SLC25A21: variants seen among roughly 807,000 people sequenced by gnomAD.
SLC25A21 encodes the protein mitochondrial 2-oxodicarboxylate carrier.
In SLC25A21, 47 loss-of-function variants were observed where a neutral mutation model predicts 43.8. The observed-to-expected ratio is 1.07, with a 90% CI of 0.85 to 1.37. The LOEUF is 1.37. Ranked by LOEUF, SLC25A21 falls within the 40% of genes most tolerant of loss-of-function variation. The pLI is 0.00. For missense variants in SLC25A21, 352 were observed against 350.2 expected (o/e 1.00, Z -0.04); for synonymous variants, 131 against 121.3 (o/e 1.08, Z -0.52).
At chr14:36,914,862 T>C (rs1057447237) in intron 1 of SLC25A21, among the ~76,000 whole-genome samples, 2 of 152,176 alleles carry the variant, frequency 1.3e-5, no homozygotes, top group African/African-American at 4.8e-5. Context: ...GACTAAATGA[T>C]TGTCTTTTCC....
In SLC25A21 at chr14:36,772,226, G is replaced by A. The variant is rs538228814; in HGVS notation, c.204-37653C>T. Among the ~76,000 whole-genome samples, 88 of 152,248 alleles carry A rather than the reference G, an allele frequency of 5.8e-4. 2 individuals are homozygous for A. Among genetic ancestry groups the A allele is most frequent in the Admixed American group, 5.8e-3 (88 of 15,292 alleles). On this transcript the variant is annotated intron_variant, in intron 3 of 9. Transcript: ENST00000331299. The stretch of plus-strand genomic sequence containing the variant: ...GGCACTCAGCAGCCATATTTCAAGT[G>A]TAGCAGAAGCAAAACAAGGGAAAAT...
chr14:36,861,291 A>G (rs1456306252), intron 2 of SLC25A21, among the ~76,000 whole-genome samples: 2 of 152,234 alleles, frequency 1.3e-5, no homozygotes. Flanking sequence ...CTTGATTCAC[A>G]GAAAGGAAAA....
intron 6 of SLC25A21, among the ~76,000 whole-genome samples, chr14:36,722,124 G>A (rs1160566978): frequency 6.6e-6 from 1 of 152,176 alleles, no homozygotes; most frequent in Non-Finnish European, 1.5e-5. Context: ...TGTCCTAGTT[G>A]AGATGTGCTG....
chr14:36,874,805 C>T, intron 2 of SLC25A21, 151 bp downstream of exon 2: 1 of 517,246 alleles, frequency 1.9e-6, no homozygotes, highest in South Asian at 4.1e-5. Flanking sequence ...CACATTTTAT[C>T]TGTCAAATAG....
At chr14:36,951,146 A>C (rs2138661630) in intron 1 of SLC25A21, among the ~76,000 whole-genome samples, 1 of 152,026 alleles carries the variant, frequency 6.6e-6, no homozygotes, top group African/African-American at 2.4e-5. Context: ...TGGTAACTAA[A>C]CCACTAACCA....
chr14:36,848,660 A>C (rs2138511237), intron 2 of SLC25A21, among the ~76,000 whole-genome samples: 1 of 152,332 alleles, frequency 6.6e-6, no homozygotes. Context: ...GCCTTATAAA[A>C]TATATCTGTG....
intron 1 of SLC25A21, among the ~76,000 whole-genome samples, chr14:37,029,125 G>A (rs1259628496): frequency 6.6e-6 from 1 of 152,124 alleles, no homozygotes; most frequent in Admixed American, 6.6e-5. Context: ...TCAGAGTTTT[G>A]ATTCAGAAAT....
intron 1 of SLC25A21, among the ~76,000 whole-genome samples, chr14:36,889,665 A>AT (rs1382002661): frequency 4.6e-5 from 7 of 151,020 alleles, no homozygotes; most frequent in South Asian, 2.1e-4. Context: ...TTTTAATTTT[A>AT]TTTTTTTTGT....
At chr14:36,763,704 A>AAAGGCAGCCTATCAAGTCCATT (rs1187189873) in intron 3 of SLC25A21, among the ~76,000 whole-genome samples, 1 of 151,958 alleles carries the variant, frequency 6.6e-6, no homozygotes, top group Admixed American at 6.5e-5. Flanking sequence ...GAAGACCAGA[A>AAAGGCAGCCTATCAAGTCCATT]AAGGCAGCCT....
chr14:36,682,953 C>T (rs1298888727), intron 9 of SLC25A21, among the ~76,000 whole-genome samples: 1 of 151,958 alleles, frequency 6.6e-6, no homozygotes, highest in Non-Finnish European at 1.5e-5. Context: ...GGTGAATGTG[C>T]ATGTGTGTTT....
At chr14:36,834,405 A>G (rs1259805338) in intron 2 of SLC25A21, among the ~76,000 whole-genome samples, 1 of 152,232 alleles carries the variant, frequency 6.6e-6, no homozygotes, top group East Asian at 1.9e-4. Flanking sequence ...TACCTACTGC[A>G]TGAACTTGGG....
intron 7 of SLC25A21, among the ~76,000 whole-genome samples, chr14:36,697,897 C>A (rs924449292): frequency 5.9e-5 from 9 of 151,762 alleles, no homozygotes; most frequent in Middle Eastern, 3.4e-3. Flanking sequence ...TTAATTAGAG[C>A]ATTTAGTCCA....
chr14:36,814,142 C>A, intron 2 of SLC25A21, 141 bp from the exon 3 acceptor site: 1 of 559,040 alleles, frequency 1.8e-6, no homozygotes, highest in Non-Finnish European at 3.1e-6. Flanking sequence ...CATTTATTAG[C>A]CTTATATAAT....
intron 3 of SLC25A21, among the ~76,000 whole-genome samples, chr14:36,764,995 G>A (rs1268339970): frequency 1.3e-5 from 2 of 152,224 alleles, no homozygotes; most frequent in African/African-American, 4.8e-5. Flanking sequence ...TAGTTGAGAG[G>A]CCAGGAGGGC....
intron 3 of SLC25A21, among the ~76,000 whole-genome samples, chr14:36,785,398 T>A (rs535893377): frequency 1.3e-5 from 2 of 152,330 alleles, no homozygotes; most frequent in African/African-American, 4.8e-5. Flanking sequence ...CCTCTGCCAC[T>A]CACCCTGGGA....
intron 1 of SLC25A21, among the ~76,000 whole-genome samples, chr14:37,046,034 G>A (rs76239349): frequency 0.01 from 1,578 of 152,250 alleles, 22 homozygotes; most frequent in African/African-American, 0.036. Context: ...GAAGCCTCAC[G>A]ACAACCCTAT....
At chr14:36,919,336 C>T (rs1891913969) in intron 1 of SLC25A21, among the ~76,000 whole-genome samples, 1 of 151,926 alleles carries the variant, frequency 6.6e-6, no homozygotes, top group African/African-American at 2.4e-5. Flanking sequence ...ATGGAGTCAT[C>T]TTTTTGGGTA....
chr14:36,891,061 T>G (rs1010023038), intron 1 of SLC25A21, among the ~76,000 whole-genome samples: 1 of 152,188 alleles, frequency 6.6e-6, no homozygotes. Flanking sequence ...CATTTCATAC[T>G]CATATTCCAA....
intron 3 of SLC25A21, among the ~76,000 whole-genome samples, chr14:36,764,092 G>A (rs1320572370): frequency 1.7e-5 from 1 of 58,826 alleles, no homozygotes; most frequent in Admixed American, 2.2e-4. Context: ...AGGAAGGAAG[G>A]AAGGAAGGAA....
Sources: allele counts gnomAD v4.1 joint callset (sites outside exome capture counted in the v4.1 genomes callset), GRCh38; gene constraint gnomAD v4.1.1; transcripts MANE v1.5; gene names NCBI Gene and HGNC (gene_info 2026-07-23, HGNC 2026-07-21).